The following RNF187 variants were observed in gnomAD, a reference collection of about 807,000 sequenced individuals.
RNF187 encodes E3 ubiquitin-protein ligase RNF187.
Under a neutral mutation model 22.2 loss-of-function variants are expected in RNF187, and 18 were observed. The ratio of observed to expected loss-of-function variants is 0.81; its 90% CI spans 0.56 to 1.20. The LOEUF (loss-of-function observed/expected upper bound fraction) is 1.20, where lower values mean the gene tolerates loss of function less well. RNF187 is among the 50% of genes most tolerant of loss of function. The probability of loss-of-function intolerance (pLI) is 0.00; values close to 1 mark genes in which losing one functional copy is unlikely to be tolerated. For missense variants in RNF187, 329 were observed against 317.6 expected (o/e 1.04, Z -0.27); for synonymous variants, 164 against 140.9 (o/e 1.16, Z -1.16).
chr1:228,492,903 G>A, intron 2 of RNF187, 150 bp from the exon 3 acceptor site: 12 of 849,240 alleles, frequency 1.4e-5, no homozygotes, highest in East Asian at 2.7e-5. Context: ...GATTACAAGC[G>A]TGAGCCACTG....
chr1:228,493,990 G>C lies in RNF187; in HGVS notation c.*105G>C. 6.4e-7 allele frequency: 1 copy of C among 1,551,274 alleles called. No individual in the cohort carries two copies. The highest frequency in any genetic ancestry group is 1.4e-5 in the African/African-American group (1 of 73,154). ...TGCCAGGGAAGCGTGGCAGGCGCCT[G>C]GCCTTGGGTCCATCTACATAGTTGC... On this transcript the variant is annotated 3_prime_UTR_variant, in exon 4 of 4. Transcript: ENST00000305943. The surrounding 1 kb of genome is among the most constrained non-coding windows in gnomAD (Gnocchi z 4.7).
At position 228,494,949 on chromosome 1, in the gene RNF187, G is replaced by T; in HGVS notation, c.*1064G>T. The T allele has an allele frequency of 1.1e-5, 11 of 985,424 alleles. No individual in the cohort carries two copies. The highest frequency in any genetic ancestry group is 1.3e-5 in the Non-Finnish European group (11 of 830,012). 61.0% of individuals were successfully genotyped at this position (985,424 alleles called of 1,614,324 possible). A position where few individuals can be genotyped will look rare whatever the true frequency, so the allele number is the denominator to read the frequency against. ...CCAGCGTGTGGGCTGGCTCAATGCT[G>T]AATAAAGTGGGTTTGTGTCAGCTCG... On this transcript the variant is annotated 3_prime_UTR_variant, in exon 4 of 4. Transcript: ENST00000305943.
At position 228,495,648 on chromosome 1, in the gene RNF187, T is replaced by C; in HGVS notation, c.*1763T>C. 1.0e-6 allele frequency: 1 copy of C among 985,574 alleles called. No individual in the cohort carries two copies. The highest frequency in any genetic ancestry group is 1.2e-6 in the Non-Finnish European group (1 of 829,924). 61.1% of individuals were successfully genotyped at this position (985,574 alleles called of 1,614,324 possible). On this transcript the variant is annotated 3_prime_UTR_variant, in exon 4 of 4. Transcript: ENST00000305943. Reference sequence around the variant, plus strand: ...CTCCCACAACATCAGTGTCTCCACATCACCAGGTCCGACAGTGGCTTCACC... The same window carrying C: ...CTCCCACAACATCAGTGTCTCCACACCACCAGGTCCGACAGTGGCTTCACC...
At position 228,493,191 on chromosome 1, in the gene RNF187, A is replaced by G. The variant is rs1659009929; in HGVS notation, c.622A>G (p.Thr208Ala). 1.9e-6 allele frequency: 3 copies of G among 1,551,540 alleles called. No individual in the cohort carries two copies. In the African/African-American group the frequency reaches 4.1e-5, roughly 21 times the overall value. ...CCCTGAGGACGAGCTGGCTGACCCCACTGAGCGGTTCAGGTCACTGCTGCA... is the reference window on the plus strand; with the variant it reads ...CCCTGAGGACGAGCTGGCTGACCCCGCTGAGCGGTTCAGGTCACTGCTGCA... The change falls in exon 3 of 4, where the codon ACT becomes GCT. Residue 208 changes from threonine (T) to alanine (A), a missense_variant. Thr to Ala is a moderately conservative substitution (Grantham distance 58, BLOSUM62 0). Transcript: ENST00000305943. This position sits in a 1 kb window ranked among gnomAD's most constrained non-coding sequence, Gnocchi z 4.7.
Position 228,487,562 on chromosome 1 carries a change from C to G in RNF187, c.74C>G (p.Ala25Gly). Residue 25 changes from alanine to glycine, a missense_variant, in exon 1 of 4, where the codon GCC becomes GGC. Ala to Gly is a moderately conservative substitution (Grantham distance 60, BLOSUM62 0). Transcript: ENST00000305943. ...CGCGCGCCCCGGGAACCGGTGCGCG[C>G]CGACTGCGGCCACCGCTTCTGTCGG... The G allele has an allele frequency of 8.0e-7, 1 of 1,248,738 alleles. No individual in the cohort carries two copies. The highest frequency in any genetic ancestry group is 1.0e-6 in the Non-Finnish European group (1 of 984,182). 77.4% of individuals were successfully genotyped at this position (1,248,738 alleles called of 1,614,324 possible).
chr1:228,489,091 C>T, intron 2 of RNF187, 39 bp downstream of exon 2: 3 of 1,496,210 alleles, frequency 2.0e-6, no homozygotes, highest in Non-Finnish European at 9.0e-7. Flanking sequence ...AATGAGGGGA[C>T]TGTGGGCTCA....
chr1:228,487,744 G>T lies in RNF187; in HGVS notation c.256G>T (p.Gly86Cys). 1 of 1,033,422 alleles carries T rather than the reference G, an allele frequency of 9.7e-7. No homozygotes were observed. Among genetic ancestry groups the T allele is most frequent in the Non-Finnish European group, 1.2e-6 (1 of 863,164 alleles). The allele number at this position is 1,033,422 out of a possible 1,614,324, so 64.0% of individuals were successfully genotyped here. A position where few individuals can be genotyped will look rare whatever the true frequency, so the allele number is the denominator to read the frequency against. Residue 86 changes from glycine (G) to cysteine (C), a missense_variant, in exon 1 of 4, where the codon GGC becomes TGC. Coordinates refer to ENST00000305943, the MANE Select transcript of RNF187 (RefSeq NM_001010858.3). Reference sequence around the variant, plus strand: ...GGCGGCCGCGGCGCCCGCGCGCGACGGCCCGGCCAGCGAGGCCGCGCTGCA... The same window carrying T: ...GGCGGCCGCGGCGCCCGCGCGCGACTGCCCGGCCAGCGAGGCCGCGCTGCA...
At chr1:228,492,252 G>C in intron 2 of RNF187, among the ~76,000 whole-genome samples, 1,604 of 151,716 alleles carry the variant, frequency 0.011, 9 homozygotes, top group Non-Finnish European at 0.017. Flanking sequence ...GGTTTTCACT[G>C]TTGCCCAGGC....
chr1:228,491,480 G>A, intron 2 of RNF187, among the ~76,000 whole-genome samples: 1 of 148,510 alleles, frequency 6.7e-6, no homozygotes, highest in Non-Finnish European at 1.5e-5. Context: ...TTGCTCTGTT[G>A]CCCAGGCTGG....
chr1:228,496,122 CTT>C lies in RNF187; in HGVS notation c.*2238_*2239del. ...TCTGACTAGAATTTCCCCAAATCCT[CTT>C]GTCTCAGCCCCTGCTAACCACCGTT... On this transcript the variant is annotated 3_prime_UTR_variant, in exon 4 of 4. Coordinates refer to ENST00000305943, the MANE Select transcript of RNF187 (RefSeq NM_001010858.3). 2.0e-5 allele frequency among the ~76,000 whole-genome samples: 3 copies of C among 152,224 alleles called. No homozygotes were observed. The highest frequency in any genetic ancestry group is 4.4e-5 in the Non-Finnish European group (3 of 68,042).
chr1:228,493,248 A>C lies in RNF187; in HGVS notation c.679A>C (p.Asn227His). The stretch of plus-strand genomic sequence containing the variant: ...CTCGGAGCTGGAGAAGAAGCATCGC[A>C]ACCTGGGCCTCAGCATGCTGCTGCA... The change falls in exon 3 of 4, where the codon AAC becomes CAC. Residue 227 changes from asparagine to histidine, a missense_variant. Coordinates refer to ENST00000305943, the MANE Select transcript of RNF187 (RefSeq NM_001010858.3). The surrounding 1 kb of genome is among the most constrained non-coding windows in gnomAD (Gnocchi z 4.7). 1.3e-6 allele frequency: 2 copies of C among 1,550,902 alleles called. No homozygotes were observed. The highest frequency in any genetic ancestry group is 1.7e-6 in the Non-Finnish European group (2 of 1,146,900).
chr1:228,494,122 C>T lies in RNF187; in HGVS notation c.*237C>T. On this transcript the variant is annotated 3_prime_UTR_variant, in exon 4 of 4. Transcript: ENST00000305943. Reference sequence around the variant, plus strand: ...GAGGACCCTTCCCACCTGTGCCCGTCCCTTCCTGAAGTCCTAGCCACAGCC... The same window carrying T: ...GAGGACCCTTCCCACCTGTGCCCGTTCCTTCCTGAAGTCCTAGCCACAGCC... 9 of 1,438,878 alleles carry T rather than the reference C, an allele frequency of 6.3e-6. No individual in the cohort carries two copies. Among genetic ancestry groups the T allele is most frequent in the Non-Finnish European group, 8.2e-6 (9 of 1,097,618 alleles). 89.1% of individuals were successfully genotyped at this position (1,438,878 alleles called of 1,614,324 possible). A position where few individuals can be genotyped will look rare whatever the true frequency, so the allele number is the denominator to read the frequency against.
At chr1:228,488,278 C>T in intron 1 of RNF187, 1 of 153,222 alleles carries the variant, frequency 6.5e-6, no homozygotes, top group Non-Finnish European at 1.5e-5. Context: ...CAGATTGACT[C>T]CTCCACTCAC....
chr1:228,493,797 CGCTCTCTCCTTTT>C lies in RNF187; in HGVS notation c.706-83_706-71del. The C allele has an allele frequency of 2.1e-6, 3 of 1,409,746 alleles. No homozygotes were observed. The highest frequency in any genetic ancestry group is 2.9e-6 in the Non-Finnish European group (3 of 1,018,390). 87.3% of individuals were successfully genotyped at this position (1,409,746 alleles called of 1,614,324 possible). ...GCTGTCTCATGTGCGCTCTCTCTTT[CGCTCTCTCCTTTT>C]GCCTCTGTCTCTGACTCTGTGTGTC... is the stretch of plus-strand genomic sequence containing the variant. On this transcript the variant is annotated intron_variant, in intron 3 of 3. Coordinates refer to ENST00000305943, the MANE Select transcript of RNF187 (RefSeq NM_001010858.3). The surrounding 1 kb of genome is among the most constrained non-coding windows in gnomAD (Gnocchi z 4.7).
Position 228,492,386 on chromosome 1 carries a change from T to C in RNF187, c.484-667T>C. On this transcript the variant is annotated intron_variant, in intron 2 of 3. Coordinates refer to ENST00000305943, the MANE Select transcript of RNF187 (RefSeq NM_001010858.3). ...TGTTTTTTTTTTTGTTTTTTGTTTTTTTTTGGCTCACCGCAACCTCTGCCT... is the reference window on the plus strand; with the variant it reads ...TGTTTTTTTTTTTGTTTTTTGTTTTCTTTTGGCTCACCGCAACCTCTGCCT... Among the ~76,000 whole-genome samples, 2 of 151,760 alleles carry C rather than the reference T, an allele frequency of 1.3e-5. 1 individual carries two copies. Among genetic ancestry groups the C allele is most frequent in the African/African-American group, 4.8e-5 (2 of 41,318 alleles).
At chr1:228,490,811 T>C in intron 2 of RNF187, among the ~76,000 whole-genome samples, 1 of 152,110 alleles carries the variant, frequency 6.6e-6, no homozygotes, top group East Asian at 1.9e-4. Flanking sequence ...TGAATGCTGT[T>C]TGTTGAAGGC....
In RNF187 at chr1:228,487,453, G is replaced by T; in HGVS notation, c.-36G>T. The T allele has an allele frequency of 9.1e-7, 1 of 1,099,072 alleles. No individual in the cohort carries two copies. Among genetic ancestry groups the T allele is most frequent in the Non-Finnish European group, 1.1e-6 (1 of 905,094 alleles). The allele number at this position is 1,099,072 out of a possible 1,614,324, so 68.1% of individuals were successfully genotyped here. On this transcript the variant is annotated 5_prime_UTR_variant, in exon 1 of 4. Coordinates refer to ENST00000305943, the MANE Select transcript of RNF187 (RefSeq NM_001010858.3). ...TCTAGGTCTCCGGCCCTCCCCAGCC[G>T]CTCCTGCGCCCTTGCCGGCCCCGCC...
intron 2 of RNF187, among the ~76,000 whole-genome samples, chr1:228,490,430 T>TC: frequency 1.3e-5 from 2 of 152,234 alleles, no homozygotes; most frequent in Non-Finnish European, 2.9e-5. Flanking sequence ...TTTGGGGACC[T>TC]CCAAGTTTTC....
Position 228,494,565 on chromosome 1 carries a change from T to A in RNF187, c.*680T>A. 1.0e-6 allele frequency: 1 copy of A among 985,862 alleles called. No homozygotes were observed. Among genetic ancestry groups the A allele is most frequent in the Non-Finnish European group, 1.2e-6 (1 of 830,288 alleles). The allele number at this position is 985,862 out of a possible 1,614,324, so 61.1% of individuals were successfully genotyped here. ...CTCCGCAGAAGGAAGCCTCTTTCTC[T>A]GTTTCCCTGGGTGAGGGGGCTGGCA... On this transcript the variant is annotated 3_prime_UTR_variant, in exon 4 of 4. Coordinates refer to ENST00000305943, the MANE Select transcript of RNF187 (RefSeq NM_001010858.3).
Sources: gnomAD v4.1 joint callset for allele counts (sites outside exome capture counted in the v4.1 genomes callset) on GRCh38, gnomAD v4.1.1 for gene constraint, Gnocchi (gnomAD v3.1) non-coding constraint, MANE v1.5 for transcripts, NCBI Gene and HGNC (gene_info 2026-07-23, HGNC 2026-07-21) for gene names.